MDGA1: variants seen among roughly 807,000 people sequenced by gnomAD.
MDGA1 encodes the protein MAM domain containing glycosylphosphatidylinositol anchor 1.
In MDGA1, 54 loss-of-function variants were observed where a neutral mutation model predicts 101.5. The ratio of observed to expected loss-of-function variants is 0.53; its 90% CI spans 0.43 to 0.67. The LOEUF is 0.67. Among genes scored for constraint, MDGA1 ranks in the 30% least tolerant of loss-of-function variants. MDGA1 has a pLI of 0.00. For missense variants in MDGA1, 1,083 were observed against 1,323.8 expected, an observed-to-expected ratio of 0.82 and a Z score of 2.82; for synonymous variants, 533 against 558.3, an observed-to-expected ratio of 0.95 and a Z score of 0.64.
chr6:37,676,278 C>T (rs890945059), intron 1 of MDGA1, among the ~76,000 whole-genome samples: 2 of 152,218 alleles, frequency 1.3e-5, no homozygotes, highest in Non-Finnish European at 2.9e-5. Context: ...GGCCTCCAAA[C>T]CAGAAGGCAG....
At chr6:37,680,678 G>T (rs991823669) in intron 1 of MDGA1, among the ~76,000 whole-genome samples, 1 of 152,338 alleles carries the variant, frequency 6.6e-6, no homozygotes, top group East Asian at 1.9e-4. Flanking sequence ...TCGGAAGGCC[G>T]TGCTGGGGCT....
At chr6:37,656,377 C>T (rs1353959257) in intron 3 of MDGA1, among the ~76,000 whole-genome samples, 2 of 142,826 alleles carry the variant, frequency 1.4e-5, no homozygotes, top group East Asian at 2.1e-4. Context: ...CGCCCGGACT[C>T]TTTTTTTTTT....
intron 13 of MDGA1, 63 bp downstream of exon 13, chr6:37,644,434 G>A (rs1581846346): frequency 2.1e-6 from 3 of 1,438,228 alleles, no homozygotes; most frequent in East Asian, 2.6e-5. Flanking sequence ...AGTCTGGGGT[G>A]CCCTGGGCCT....
Position 37,652,949 on chromosome 6 carries a change from T to C in MDGA1, c.983-609A>G, listed in dbSNP as rs1301416792. Reference sequence around the variant, plus strand: ...TGTTTGACTCTTTGTAATAAGTGAGTGTAATTTTTGTAATAAGAGACCAAT... The same window carrying C: ...TGTTTGACTCTTTGTAATAAGTGAGCGTAATTTTTGTAATAAGAGACCAAT... On this transcript the variant is annotated intron_variant, in intron 6 of 16. Coordinates refer to ENST00000434837, the MANE Select transcript of MDGA1 (RefSeq NM_153487.4). The surrounding 1 kb of genome is among the most constrained non-coding windows in gnomAD (Gnocchi z 4.3). 6.6e-6 allele frequency among the ~76,000 whole-genome samples: 1 copy of C among 152,210 alleles called. No individual in the cohort carries two copies. Among genetic ancestry groups the C allele is most frequent in the Non-Finnish European group, 1.5e-5 (1 of 68,042 alleles).
intron 1 of MDGA1, among the ~76,000 whole-genome samples, chr6:37,692,958 G>A (rs6918342): frequency 0.016 from 2,458 of 152,284 alleles, 30 homozygotes; most frequent in African/African-American, 0.033. Flanking sequence ...ACCCTAAGGC[G>A]GGGGCTCTCC....
intron 1 of MDGA1, among the ~76,000 whole-genome samples, chr6:37,681,526 C>T (rs993907803): frequency 1.3e-5 from 2 of 152,220 alleles, no homozygotes; most frequent in African/African-American, 4.8e-5. Context: ...TGTAGGACCC[C>T]CTACCACACA....
Position 37,664,041 on chromosome 6 carries a change from C to T in MDGA1, c.133G>A (p.Glu45Lys), listed in dbSNP as rs778187457. Residue 45 changes from glutamate to lysine, a missense_variant, in exon 2 of 17, where the codon GAG becomes AAG. This residue lies in a region of MDGA1 where 310 missense variants were observed against 355.9 expected (regional missense o/e 0.87). Coordinates refer to ENST00000434837, the MANE Select transcript of MDGA1 (RefSeq NM_153487.4). ...ACVVKEDNIS[E>K]RVYTIREGDT... is the part of the protein sequence containing the mutation. ...CCCTCCCGGATGGTGTAGACACGCT[C>T]GCTGATATTGTCCTCTTTCACCACA... 4 of 1,613,730 alleles carry T rather than the reference C, an allele frequency of 2.5e-6. No homozygotes were observed. The highest frequency in any genetic ancestry group is 1.7e-5 in the Admixed American group (1 of 60,002).
At chr6:37,656,239 A>ACACCTG in intron 3 of MDGA1, among the ~76,000 whole-genome samples, 2 of 151,548 alleles carry the variant, frequency 1.3e-5, no homozygotes, top group African/African-American at 4.8e-5. Context: ...CACCATGCCC[A>ACACCTG]GCTAATTTTT....
rs938882933 is a variant in MDGA1 at position 37,649,216 on chromosome 6, G to A, written c.1660C>T (p.Arg554Trp). The A allele has an allele frequency of 5.6e-5, 84 of 1,508,918 alleles. No homozygotes were observed. Among genetic ancestry groups the A allele is most frequent in the Non-Finnish European group, 7.0e-5 (79 of 1,136,634 alleles). 93.5% of individuals were successfully genotyped at this position (1,508,918 alleles called of 1,614,324 possible). Residue 554 changes from arginine to tryptophan, a missense_variant, in exon 9 of 17, where the codon CGG (arginine) becomes TGG (tryptophan). Arg to Trp is a moderately radical substitution (Grantham distance 101). Transcript: ENST00000434837. ...AGCGAGCAGCGCAGGAGCACGGGCCGGCCCAGCGCCTGGCGCACGTCCTGG... is the reference window on the plus strand; with the variant it reads ...AGCGAGCAGCGCAGGAGCACGGGCCAGCCCAGCGCCTGGCGCACGTCCTGG... ...SSQDVRQALG[R>W]PVLLRCSLLR... is the part of the protein sequence containing the mutation.
chr6:37,649,271 G>C lies in MDGA1; in HGVS notation c.1610-5C>G. The C allele has an allele frequency of 6.7e-7, 1 of 1,484,338 alleles. No homozygotes were observed. The allele number at this position is 1,484,338 out of a possible 1,614,324, so 91.9% of individuals were successfully genotyped here. Reference sequence around the variant, plus strand: ...TGGGCTCCACCTCCGGCGGGACTGGGGGCGGGAGCGGCGGTCAGCGGGGCC... The same window carrying C: ...TGGGCTCCACCTCCGGCGGGACTGGCGGCGGGAGCGGCGGTCAGCGGGGCC... On this transcript the variant is annotated splice_region_variant and splice_polypyrimidine_tract_variant and intron_variant, in intron 8 of 16. Transcript: ENST00000434837.
At chr6:37,663,333 G>C (rs779596726) in intron 2 of MDGA1, among the ~76,000 whole-genome samples, 51 of 152,224 alleles carry the variant, frequency 3.4e-4, no homozygotes, top group Non-Finnish European at 6.3e-4. Flanking sequence ...GAACCTCAAG[G>C]GTGTGAAGCT....
intron 3 of MDGA1, among the ~76,000 whole-genome samples, chr6:37,657,167 T>A (rs199987631): frequency 1.5e-5 from 2 of 133,948 alleles, no homozygotes; most frequent in African/African-American, 5.7e-5. Flanking sequence ...TTTAAAAAAA[T>A]AATTAAAAAG....
chr6:37,673,443 G>C (rs1761913239), intron 1 of MDGA1, among the ~76,000 whole-genome samples: 1 of 152,254 alleles, frequency 6.6e-6, no homozygotes, highest in Non-Finnish European at 1.5e-5. Flanking sequence ...TTAATTAGCT[G>C]CTCAGAGAAT....
At chr6:37,670,294 C>T (rs1212902175) in intron 1 of MDGA1, among the ~76,000 whole-genome samples, 4 of 152,216 alleles carry the variant, frequency 2.6e-5, no homozygotes, top group Admixed American at 2.0e-4. Flanking sequence ...ACCTGCTATG[C>T]ACCCGTACAC....
intron 8 of MDGA1, 33 bp downstream of exon 8, chr6:37,650,076 G>A (rs751761891): frequency 1.2e-6 from 2 of 1,611,090 alleles, no homozygotes; most frequent in African/African-American, 1.3e-5. Flanking sequence ...AAGGAAAGCT[G>A]GGAAGGTAGT....
Position 37,691,184 on chromosome 6 carries a change from T to C in MDGA1, c.67+5561A>G, listed in dbSNP as rs189616707. ...AGAGGCTCAGTGAACATTTAATGAATGATGAGTGAAAGGAACACCACACTG... is the reference window on the plus strand; with the variant it reads ...AGAGGCTCAGTGAACATTTAATGAACGATGAGTGAAAGGAACACCACACTG... On this transcript the variant is annotated intron_variant, in intron 1 of 16. Coordinates refer to ENST00000434837, the MANE Select transcript of MDGA1 (RefSeq NM_153487.4). Among the ~76,000 whole-genome samples, 86 of 152,228 alleles carry C rather than the reference T, an allele frequency of 5.6e-4. 1 individual carries two copies. Among genetic ancestry groups the C allele is most frequent in the Non-Finnish European group, 1.0e-3 (69 of 68,012 alleles).
chr6:37,649,387 G>A (rs1761303655), intron 8 of MDGA1, 121 bp from the exon 9 acceptor site: 1 of 1,384,008 alleles, frequency 7.2e-7, no homozygotes, highest in African/African-American at 1.5e-5. Flanking sequence ...AAAAATCCCA[G>A]GGCGGATGCA....
chr6:37,647,782 A>G (rs985286341), intron 9 of MDGA1, among the ~76,000 whole-genome samples: 3 of 151,776 alleles, frequency 2.0e-5, no homozygotes, highest in Non-Finnish European at 2.9e-5. Context: ...GGAGAAGGGA[A>G]GGAGGTGGGA....
At chr6:37,678,598 C>T (rs571237370) in intron 1 of MDGA1, among the ~76,000 whole-genome samples, 1 of 152,238 alleles carries the variant, frequency 6.6e-6, no homozygotes, top group East Asian at 1.9e-4. Flanking sequence ...ACTGCCCTCC[C>T]CACTCCAGCC....
Sources: gnomAD v4.1 joint callset for allele counts (sites outside exome capture counted in the v4.1 genomes callset) on GRCh38, gnomAD v4.1.1 for gene constraint, gnomAD v4.1.1 regional missense constraint, Gnocchi (gnomAD v3.1) non-coding constraint, MANE v1.5 for transcripts, NCBI Gene and HGNC (gene_info 2026-07-23, HGNC 2026-07-21) for gene names.